The following PKLR variants were observed in gnomAD, a reference collection of about 807,000 sequenced individuals.
PKLR encodes the protein pyruvate kinase PKLR.
Under a neutral mutation model 53.6 loss-of-function variants are expected in PKLR, and 38 were observed. That is an observed-to-expected ratio of 0.71 (90% confidence interval 0.55 to 0.93). PKLR has a LOEUF of 0.93. PKLR is among the 40% of genes least tolerant of loss of function. The pLI is 0.00. For synonymous variants in PKLR, 328 were observed against 316.2 expected (o/e 1.04, Z -0.39); for missense variants, 702 against 787.3 (o/e 0.89, Z 1.30).
chr1:155,304,840 T>G (rs182120474), upstream of PKLR, among the ~76,000 whole-genome samples: 289 of 152,354 alleles, frequency 1.9e-3, no homozygotes, highest in Non-Finnish European at 2.4e-3. Flanking sequence ...ACAGCATTCA[T>G]GCCTCATGGA....
In PKLR at chr1:155,294,409, C is replaced by T. The variant is rs999428278; in HGVS notation, c.966-24G>A. On this transcript the variant is annotated intron_variant, in intron 6 of 10. Coordinates refer to ENST00000342741, the MANE Select transcript of PKLR (RefSeq NM_000298.6). ...ACCTGAGAGGTTGGGAGAATCAAGG[C>T]AGAGGCAGGCAGGAGAAGAAAGGTG... The T allele has an allele frequency of 1.9e-6, 3 of 1,614,068 alleles. No homozygotes were observed. In the African/African-American group the frequency reaches 4.0e-5, roughly 22 times the overall value.
intron 10 of PKLR, among the ~76,000 whole-genome samples, chr1:155,291,112 T>C (rs1572051023): frequency 6.6e-6 from 1 of 151,996 alleles, no homozygotes; most frequent in Non-Finnish European, 1.5e-5. Context: ...AGCCACCACC[T>C]TTCACCACAT....
chr1:155,305,416 C>A (rs1048663414), upstream of PKLR, among the ~76,000 whole-genome samples: 1 of 152,120 alleles, frequency 6.6e-6, no homozygotes, highest in Non-Finnish European at 1.5e-5. Context: ...AGGGAGAAGT[C>A]TCTGACTCTG....
At chr1:155,299,491 CTTTTTTTTTTTTTTTTTTT>C (rs35869567) in intron 2 of PKLR, among the ~76,000 whole-genome samples, 1 of 42,760 alleles carries the variant, frequency 2.3e-5, no homozygotes, top group African/African-American at 1.0e-4. Flanking sequence ...GCCCAGCCCA[CTTTTTTTTTTTTTTTTTTT>C]TTTTTTTTTT....
chr1:155,300,006 A>C, intron 2 of PKLR, 92 bp downstream of exon 2: 2 of 1,307,978 alleles, frequency 1.5e-6, no homozygotes, highest in Non-Finnish European at 2.2e-6. Context: ...TGTGTCAAAC[A>C]TGGAGAAGTC....
chr1:155,297,309 A>T (rs1647653394), intron 2 of PKLR, among the ~76,000 whole-genome samples: 1 of 151,948 alleles, frequency 6.6e-6, no homozygotes, highest in Non-Finnish European at 1.5e-5. Context: ...TCCCAAGCAA[A>T]CTTCTGCTCT....
At chr1:155,305,039 G>T (rs1470887148), upstream of PKLR, among the ~76,000 whole-genome samples, 1 of 152,146 alleles carries the variant, frequency 6.6e-6, no homozygotes, top group Non-Finnish European at 1.5e-5. Context: ...AGATGAGATG[G>T]AGAGGGTGAG....
At chr1:155,308,564 G>C in the PKLR span, 8 of 985,420 alleles carry the variant, frequency 8.1e-6, no homozygotes, top group Non-Finnish European at 9.6e-6. Context: ...GTGCCAATCA[G>C]CTGCCCAGGA....
chr1:155,294,047 T>C lies in PKLR; in HGVS notation c.1116+188A>G, dbSNP rs8177977. 4.2e-3 allele frequency among the ~76,000 whole-genome samples: 635 copies of C among 152,274 alleles called. 5 individuals are homozygous for C. The highest frequency in any genetic ancestry group is 0.014 in the African/African-American group (594 of 41,558). On this transcript the variant is annotated intron_variant, in intron 7 of 10. Transcript: ENST00000342741. ...ACTTGGGAGGCTGAGGCAGGAGAAT[T>C]GTTTGAACCCAAGAGGCGGAGGTTG...
chr1:155,299,031 T>TTTCTTTCTTTC (rs1557963436), intron 2 of PKLR, among the ~76,000 whole-genome samples: 1 of 62,798 alleles, frequency 1.6e-5, no homozygotes, highest in African/African-American at 1.2e-4. Flanking sequence ...TCTTTCTTTC[T>TTTCTTTCTTTC]TTCTCTTTCT....
At chr1:155,305,865 G>A (rs1205119512), upstream of PKLR, among the ~76,000 whole-genome samples, 1 of 149,162 alleles carries the variant, frequency 6.7e-6, no homozygotes, top group Non-Finnish European at 1.5e-5. Flanking sequence ...GGCTGGTGCA[G>A]AACTCCTGGG....
the PKLR span, among the ~76,000 whole-genome samples, chr1:155,306,581 G>A: frequency 6.6e-6 from 1 of 152,148 alleles, no homozygotes; most frequent in Non-Finnish European, 1.5e-5. The surrounding 1 kb of genome is among the most constrained non-coding windows in gnomAD (Gnocchi z 4.2). Flanking sequence ...CTTAACAGAC[G>A]AGGTGCCCCC....
At position 155,294,749 on chromosome 1, in the gene PKLR, G is replaced by A. The variant is rs1175303714; in HGVS notation, c.698C>T (p.Pro233Leu). 1.9e-6 allele frequency: 3 copies of A among 1,613,826 alleles called. No individual in the cohort carries two copies. The highest frequency in any genetic ancestry group is 1.6e-4 in the Middle Eastern group (1 of 6,076). Reference protein sequence around the residue: ...LISLVVQKIGPEGLVTQVENG... With the variant: ...LISLVVQKIGLEGLVTQVENG... ...CTCCACTTGGGTCACCAGTCCCTCT[G>A]GGCCTGCGGACATGGAAAGAGCCAG... Residue 233 changes from proline to leucine, a missense_variant, in exon 6 of 11, where the codon CCA becomes CTA. This residue lies in a region of PKLR where 519 missense variants were observed against 537.1 expected (regional missense o/e 0.97). Transcript: ENST00000342741.
At position 155,291,019 on chromosome 1, in the gene PKLR, TAA is replaced by T. The variant is rs1674512850; in HGVS notation, c.1619-343_1619-342del. On this transcript the variant is annotated intron_variant, in intron 10 of 10. Coordinates refer to ENST00000342741, the MANE Select transcript of PKLR (RefSeq NM_000298.6). ...ATAATAATAATAATAATAATAATAA[TAA>T]TAATAATAATAATAATAATAAAAGA... Among the ~76,000 whole-genome samples the T allele has an allele frequency of 2.8e-5, 4 of 143,574 alleles. No individual in the cohort carries two copies. The South Asian group carries it at 8.7e-4, about 31-fold the overall frequency. The allele number at this position is 143,574 out of a possible 152,430, so 94.2% of individuals were successfully genotyped here.
rs1647807124 is a variant in PKLR, at chr1:155,299,022, CTTTCTTTCTTTCTCTTTCTTTCTTTCT to C, written c.283+1049_283+1075del. ...TCTTTCTTTCTTTCTTTCTTTCTTT[CTTTCTTTCTTTCTCTTTCTTTCTTTCT>C]TTCCTTCCTTCCTTCCTTCCTTCTT... On this transcript the variant is annotated intron_variant, in intron 2 of 10. Coordinates refer to ENST00000342741, the MANE Select transcript of PKLR (RefSeq NM_000298.6). 1.3e-3 allele frequency among the ~76,000 whole-genome samples: 126 copies of C among 97,034 alleles called. 2 individuals carry two copies. The highest frequency in any genetic ancestry group is 4.9e-3 in the African/African-American group (97 of 19,888). 63.7% of individuals were successfully genotyped at this position (97,034 alleles called of 152,430 possible). A position where few individuals can be genotyped will look rare whatever the true frequency, so the allele number is the denominator to read the frequency against.
Position 155,290,367 on chromosome 1 carries a change from G to C in PKLR, c.*205C>G, listed in dbSNP as rs1215729101. ...AATTGGACACAGACTTTCAGGACCTGTGTGAAATGGAGATGGGGAAGGGGC... is the reference window on the plus strand; with the variant it reads ...AATTGGACACAGACTTTCAGGACCTCTGTGAAATGGAGATGGGGAAGGGGC... On this transcript the variant is annotated 3_prime_UTR_variant, in exon 11 of 11. Coordinates refer to ENST00000342741, the MANE Select transcript of PKLR (RefSeq NM_000298.6). 1.7e-6 allele frequency: 1 copy of C among 598,088 alleles called. No individual in the cohort carries two copies. Among genetic ancestry groups the C allele is most frequent in the Non-Finnish European group, 3.0e-6 (1 of 333,318 alleles). 37.0% of individuals were successfully genotyped at this position (598,088 alleles called of 1,614,324 possible). A position where few individuals can be genotyped will look rare whatever the true frequency, so the allele number is the denominator to read the frequency against.
chr1:155,293,097 G>A lies in PKLR; in HGVS notation c.1436+80C>T. The A allele has an allele frequency of 6.8e-7, 1 of 1,477,748 alleles. No homozygotes were observed. Among genetic ancestry groups the A allele is most frequent in the Non-Finnish European group, 9.5e-7 (1 of 1,055,958 alleles). 91.5% of individuals were successfully genotyped at this position (1,477,748 alleles called of 1,614,324 possible). ...GGACACTCTTCACCCCTGGTGACCA[G>A]ACTAAACCCAAGCCTGGGGCCCGTC... On this transcript the variant is annotated intron_variant, in intron 9 of 10. Coordinates refer to ENST00000342741, the MANE Select transcript of PKLR (RefSeq NM_000298.6). This position sits in a 1 kb window ranked among gnomAD's most constrained non-coding sequence, Gnocchi z 4.2.
At chr1:155,298,403 A>G (rs1251969224) in intron 2 of PKLR, among the ~76,000 whole-genome samples, 1 of 150,124 alleles carries the variant, frequency 6.7e-6, no homozygotes, top group Non-Finnish European at 1.5e-5. Context: ...ATCTTGGCTC[A>G]CCGCAACCTC....
upstream of PKLR, among the ~76,000 whole-genome samples, chr1:155,304,289 C>T (rs764827400): frequency 3.9e-5 from 6 of 151,954 alleles, no homozygotes; most frequent in Non-Finnish European, 8.8e-5. Context: ...AAAAAATTAG[C>T]CAGGTGTGGT....
Sources: gnomAD v4.1 joint callset for allele counts (sites outside exome capture counted in the v4.1 genomes callset) on GRCh38, gnomAD v4.1.1 for gene constraint, gnomAD v4.1.1 regional missense constraint, Gnocchi (gnomAD v3.1) non-coding constraint, MANE v1.5 for transcripts, NCBI Gene and HGNC (gene_info 2026-07-23, HGNC 2026-07-21) for gene names.